Variants in GRID2 observed in about 807,000 individuals in gnomAD.
The protein encoded by GRID2 is glutamate receptor ionotropic, delta-2.
A neutral mutation model predicts 114.8 loss-of-function variants in GRID2; 33 were observed. The ratio of observed to expected loss-of-function variants is 0.29; its 90% CI spans 0.22 to 0.38. GRID2 has a LOEUF of 0.38. Ranked by LOEUF, GRID2 falls within the 10% of genes least tolerant of loss-of-function variation. GRID2 has a pLI of 1.00. For synonymous variants in GRID2, 505 were observed against 449.9 expected (o/e 1.12, Z -1.55); for missense variants, 1,184 against 1,257.7 (o/e 0.94, Z 0.89).
At chr4:93,176,529 A>T (rs1739358012) in intron 4 of GRID2, among the ~76,000 whole-genome samples, 1 of 152,186 alleles carries the variant, frequency 6.6e-6, no homozygotes, top group South Asian at 2.1e-4. Context: ...AATTGTCTAC[A>T]GTAGAGGTTC....
At chr4:92,335,813 G>A (rs1166960045) in intron 1 of GRID2, among the ~76,000 whole-genome samples, 4 of 152,142 alleles carry the variant, frequency 2.6e-5, no homozygotes, top group Non-Finnish European at 4.4e-5. Flanking sequence ...TCTTAGAAGT[G>A]TACCCTGAGT....
At chr4:92,655,636 A>T (rs1732188077) in intron 2 of GRID2, among the ~76,000 whole-genome samples, 2 of 149,866 alleles carry the variant, frequency 1.3e-5, no homozygotes, top group Non-Finnish European at 1.5e-5. Flanking sequence ...TTTTGTAGCC[A>T]CTCTAAATGG....
intron 14 of GRID2, among the ~76,000 whole-genome samples, chr4:93,629,699 A>G (rs946327107): frequency 1.1e-4 from 16 of 152,188 alleles, no homozygotes; most frequent in African/African-American, 3.6e-4. Flanking sequence ...TAATAATTCA[A>G]TATTACTTTT....
At chr4:92,358,130 G>A (rs1728432152) in intron 1 of GRID2, among the ~76,000 whole-genome samples, 1 of 151,720 alleles carries the variant, frequency 6.6e-6, no homozygotes, top group African/African-American at 2.4e-5. Context: ...TCAAAACAGA[G>A]AGGCATGATG....
intron 2 of GRID2, among the ~76,000 whole-genome samples, chr4:92,641,390 T>C (rs557133843): frequency 4.0e-4 from 61 of 151,694 alleles, no homozygotes; most frequent in African/African-American, 1.4e-3. Flanking sequence ...GCTCAAGCAA[T>C]CCTCTGTGTC....
At chr4:92,902,366 C>A (rs1037662143) in intron 2 of GRID2, among the ~76,000 whole-genome samples, 1 of 151,940 alleles carries the variant, frequency 6.6e-6, no homozygotes, top group African/African-American at 2.4e-5. Context: ...AGTGGTCTAT[C>A]AGTTTTGTTC....
At position 93,082,491 on chromosome 4, in the gene GRID2, C is replaced by G. The variant is rs527326562; in HGVS notation, c.245-2504C>G. ...ACTTGCAGGCCACCACTCTCCCACTCTCTATGAGAAACCTGACAAAATGAT... is the reference window on the plus strand; with the variant it reads ...ACTTGCAGGCCACCACTCTCCCACTGTCTATGAGAAACCTGACAAAATGAT... On this transcript the variant is annotated intron_variant, in intron 2 of 15. Coordinates refer to ENST00000282020, the MANE Select transcript of GRID2 (RefSeq NM_001510.4). Among the ~76,000 whole-genome samples, 7 of 152,236 alleles carry G rather than the reference C, an allele frequency of 4.6e-5. No homozygotes were observed. In the South Asian group the frequency reaches 1.5e-3, roughly 32 times the overall value.
At chr4:92,618,005 A>G (rs1261970222) in intron 2 of GRID2, among the ~76,000 whole-genome samples, 1 of 151,534 alleles carries the variant, frequency 6.6e-6, no homozygotes, top group Non-Finnish European at 1.5e-5. Context: ...GCAGTGTAGA[A>G]GCTTTTAGGT....
chr4:93,636,986 AAT>A (rs1291940892), intron 14 of GRID2, among the ~76,000 whole-genome samples: 1 of 152,180 alleles, frequency 6.6e-6, no homozygotes, highest in Admixed American at 6.5e-5. Context: ...TTACCAGTAA[AAT>A]ATATGTTTTC....
At chr4:93,367,623 G>A (rs1177160730) in intron 8 of GRID2, among the ~76,000 whole-genome samples, 1 of 152,124 alleles carries the variant, frequency 6.6e-6, no homozygotes, top group Non-Finnish European at 1.5e-5. Flanking sequence ...TAGCTTTACA[G>A]CCTTAGTAAA....
intron 13 of GRID2, among the ~76,000 whole-genome samples, chr4:93,601,788 T>C (rs1338121953): frequency 6.6e-6 from 1 of 152,144 alleles, no homozygotes; most frequent in East Asian, 1.9e-4. Context: ...TGAGAAAAAA[T>C]ACTGATTCTC....
chr4:93,789,023 AAAT>A (rs1231750560), intron 1 of GRID2, among the ~76,000 whole-genome samples: 3 of 152,208 alleles, frequency 2.0e-5, no homozygotes, highest in Non-Finnish European at 4.4e-5. Context: ...AGGAACAGAG[AAAT>A]AATCTCTTTT....
At chr4:93,552,174 C>G (rs970146529) in intron 13 of GRID2, among the ~76,000 whole-genome samples, 2 of 151,876 alleles carry the variant, frequency 1.3e-5, no homozygotes, top group African/African-American at 2.4e-5. Flanking sequence ...ATGATGGTTT[C>G]CAGCTTCATC....
intron 4 of GRID2, among the ~76,000 whole-genome samples, chr4:93,194,422 G>C (rs1231803871): frequency 6.6e-6 from 1 of 152,098 alleles, no homozygotes; most frequent in African/African-American, 2.4e-5. Flanking sequence ...CAATAGGCTT[G>C]AAAATATAGT....
intron 1 of GRID2, among the ~76,000 whole-genome samples, chr4:92,516,903 A>G (rs1724528522): frequency 1.3e-5 from 2 of 151,984 alleles, no homozygotes; most frequent in South Asian, 4.1e-4. Flanking sequence ...CTTTCTTTCT[A>G]TGGATTTTAT....
At chr4:92,407,783 G>A (rs187616366) in intron 1 of GRID2, among the ~76,000 whole-genome samples, 1 of 152,044 alleles carries the variant, frequency 6.6e-6, no homozygotes, top group Admixed American at 6.6e-5. Flanking sequence ...TGGATTATGT[G>A]GTTTTTTGCT....
chr4:93,693,944 C>T (rs1289508587), intron 14 of GRID2, among the ~76,000 whole-genome samples: 1 of 152,010 alleles, frequency 6.6e-6, no homozygotes, highest in African/African-American at 2.4e-5. Context: ...TAAATCAAGA[C>T]AGGAAATGTG....
chr4:92,347,117 C>A (rs1727807081), intron 1 of GRID2, among the ~76,000 whole-genome samples: 1 of 152,190 alleles, frequency 6.6e-6, no homozygotes, highest in African/African-American at 2.4e-5. Flanking sequence ...ATCTCTCATC[C>A]AATTTTAGTT....
chr4:93,681,085 C>T (rs1212809582), intron 14 of GRID2, among the ~76,000 whole-genome samples: 6 of 151,520 alleles, frequency 4.0e-5, no homozygotes, highest in Admixed American at 6.6e-5. Context: ...AGCAAAGTCT[C>T]AGGATACAAA....
Sources: gnomAD v4.1 joint callset for allele counts (sites outside exome capture counted in the v4.1 genomes callset) on GRCh38, gnomAD v4.1.1 for gene constraint, MANE v1.5 for transcripts, NCBI Gene and HGNC (gene_info 2026-07-23, HGNC 2026-07-21) for gene names.